Variants in C12orf42 observed in about 807,000 individuals in gnomAD.
C12orf42 encodes the protein chromosome 12 open reading frame 42.
A neutral mutation model predicts 21.6 loss-of-function variants in C12orf42; 25 were observed. The ratio of observed to expected loss-of-function variants is 1.16; its 90% CI spans 0.84 to 1.62. C12orf42 has a LOEUF of 1.62. C12orf42 is among the 40% of genes most tolerant of loss of function. The pLI is 0.00. For missense variants in C12orf42, 483 were observed against 459.3 expected (o/e 1.05, Z -0.47); for synonymous variants, 174 against 175.0 (o/e 0.99, Z 0.05).
chr12:103,072,642 T>C, the C12orf42 span, among the ~76,000 whole-genome samples: 2 of 152,116 alleles, frequency 1.3e-5, no homozygotes, highest in South Asian at 4.2e-4. Context: ...TATTGCTGGG[T>C]TGAATGGTAT....
intron 5 of C12orf42, among the ~76,000 whole-genome samples, chr12:103,271,100 C>A (rs560840709): frequency 2.0e-5 from 3 of 152,226 alleles, no homozygotes; most frequent in South Asian, 4.1e-4. Flanking sequence ...TGTTATGTAT[C>A]AGGCAACAGC....
At chr12:103,210,640 T>TTTTC in the C12orf42 span, among the ~76,000 whole-genome samples, 1 of 74,674 alleles carries the variant, frequency 1.3e-5, no homozygotes, top group Non-Finnish European at 3.1e-5. Context: ...CCTCTATTTC[T>TTTTC]TTTTTTTTTT....
intron 2 of C12orf42, among the ~76,000 whole-genome samples, chr12:103,473,940 C>A (rs1328063363): frequency 6.6e-6 from 1 of 152,134 alleles, no homozygotes; most frequent in Non-Finnish European, 1.5e-5. Context: ...CATATCAGTG[C>A]AGATGTTTTG....
At chr12:103,322,083 C>T (rs183741675) in intron 4 of C12orf42, among the ~76,000 whole-genome samples, 111 of 151,674 alleles carry the variant, frequency 7.3e-4, no homozygotes, top group African/African-American at 2.6e-3. Context: ...ATGTTTTATT[C>T]TGTCTTCTCA....
chr12:103,204,887 T>A, the C12orf42 span, among the ~76,000 whole-genome samples: 1 of 151,984 alleles, frequency 6.6e-6, no homozygotes, highest in Non-Finnish European at 1.5e-5. Context: ...TATTGATACA[T>A]CTAAAATATA....
the C12orf42 span, among the ~76,000 whole-genome samples, chr12:103,190,186 T>C: frequency 3.3e-4 from 50 of 152,286 alleles, no homozygotes; most frequent in African/African-American, 1.2e-3. Flanking sequence ...TGAGAGCCTC[T>C]GGGCAACCCC....
At chr12:103,356,178 C>T (rs986578227) in intron 4 of C12orf42, among the ~76,000 whole-genome samples, 5 of 152,076 alleles carry the variant, frequency 3.3e-5, no homozygotes, top group African/African-American at 4.8e-5. Context: ...AGCTTCCTCC[C>T]TTTTATGCCT....
At chr12:103,166,838 T>C in the C12orf42 span, among the ~76,000 whole-genome samples, 3 of 152,236 alleles carry the variant, frequency 2.0e-5, no homozygotes, top group Non-Finnish European at 4.4e-5. Flanking sequence ...TCTTTTTTTT[T>C]CCTTATGTTG....
chr12:103,149,867 A>AT, the C12orf42 span, among the ~76,000 whole-genome samples: 13 of 152,260 alleles, frequency 8.5e-5, no homozygotes, highest in African/African-American at 1.9e-4. Flanking sequence ...TTAAGATTTC[A>AT]TTTTTTTATT....
At chr12:103,316,328 C>T (rs1234371526) in intron 4 of C12orf42, among the ~76,000 whole-genome samples, 2 of 151,860 alleles carry the variant, frequency 1.3e-5, no homozygotes, top group African/African-American at 4.8e-5. Context: ...AAAACACCAA[C>T]CCAGAATTCT....
chr12:103,112,429 G>A, the C12orf42 span, among the ~76,000 whole-genome samples: 1 of 152,152 alleles, frequency 6.6e-6, no homozygotes, highest in South Asian at 2.1e-4. Flanking sequence ...GGAAGCCGAG[G>A]CAGGCGGATC....
rs13377603 is a variant in C12orf42, at chr12:103,362,204, T to A, written c.259+6683A>T. 5.7e-3 allele frequency among the ~76,000 whole-genome samples: 866 copies of A among 152,250 alleles called. 5 individuals are homozygous for A. The highest frequency in any genetic ancestry group is 0.018 in the African/African-American group (752 of 41,548). On this transcript the variant is annotated intron_variant, in intron 4 of 5. Coordinates refer to ENST00000548883, the MANE Select transcript of C12orf42 (RefSeq NM_198521.5). ...AGGACTCTGTGTAGACAACCCTTATTACCAGCCTGGAGCCTGGTAGCCCTG... is the reference window on the plus strand; with the variant it reads ...AGGACTCTGTGTAGACAACCCTTATAACCAGCCTGGAGCCTGGTAGCCCTG...
At chr12:103,200,687 A>G in the C12orf42 span, among the ~76,000 whole-genome samples, 1 of 152,202 alleles carries the variant, frequency 6.6e-6, no homozygotes, top group Non-Finnish European at 1.5e-5. Context: ...CATCCTTACA[A>G]TAAGTATAAT....
chr12:103,486,321 G>T (rs1230862440), intron 1 of C12orf42, among the ~76,000 whole-genome samples: 2 of 152,194 alleles, frequency 1.3e-5, no homozygotes, highest in East Asian at 3.8e-4. Flanking sequence ...CAGTGATGAA[G>T]CTGACTTCAT....
chr12:103,383,122 C>CTTTTTT (rs10552452), intron 3 of C12orf42, among the ~76,000 whole-genome samples: 1 of 148,280 alleles, frequency 6.7e-6, no homozygotes, highest in Non-Finnish European at 1.5e-5. Flanking sequence ...CTGACTCATT[C>CTTTTTT]TTTTTTTTTT....
intron 2 of C12orf42, among the ~76,000 whole-genome samples, chr12:103,469,781 C>T (rs1226081886): frequency 6.6e-6 from 1 of 152,214 alleles, no homozygotes; most frequent in East Asian, 1.9e-4. Flanking sequence ...ATCGATTAGA[C>T]AGTGTGTTCA....
chr12:103,520,060 A>T, the C12orf42 span, among the ~76,000 whole-genome samples: 8 of 152,218 alleles, frequency 5.3e-5, no homozygotes, highest in Non-Finnish European at 7.3e-5. Flanking sequence ...AGTGACAAAG[A>T]AGTCCCACTT....
chr12:103,557,041 T>C, the C12orf42 span, among the ~76,000 whole-genome samples: 3,938 of 152,206 alleles, frequency 0.026, 84 homozygotes, highest in African/African-American at 0.058. Flanking sequence ...CCTCCAGAAC[T>C]GTGAAAGAAT....
chr12:103,212,459 A>G, the C12orf42 span, among the ~76,000 whole-genome samples: 1 of 152,104 alleles, frequency 6.6e-6, no homozygotes, highest in Admixed American at 6.6e-5. Flanking sequence ...TGCTAACTAC[A>G]TCTCTCTGGT....
Sources: allele counts gnomAD v4.1 joint callset (sites outside exome capture counted in the v4.1 genomes callset), GRCh38; gene constraint gnomAD v4.1.1; transcripts MANE v1.5; gene names NCBI Gene and HGNC (gene_info 2026-07-23, HGNC 2026-07-21).